VRK2: variants seen among roughly 807,000 people sequenced by gnomAD.
The protein encoded by VRK2 is VRK serine/threonine kinase 2, also known as serine/threonine-protein kinase VRK2.
VRK2 carries 60 observed loss-of-function variants against 57.6 expected under a neutral mutation model. The ratio of observed to expected loss-of-function variants is 1.04; its 90% CI spans 0.85 to 1.29. The LOEUF is 1.29. VRK2 is among the 50% of genes most tolerant of loss of function. The pLI is 0.00. For missense variants in VRK2, 705 were observed against 588.1 expected (o/e 1.20, Z -2.06); for synonymous variants, 231 against 199.2 (o/e 1.16, Z -1.35).
intron 1 of VRK2, among the ~76,000 whole-genome samples, chr2:57,987,107 A>G (rs1192176105): frequency 6.6e-6 from 1 of 152,218 alleles, no homozygotes; most frequent in African/African-American, 2.4e-5. Flanking sequence ...GAAAACATCC[A>G]TAGGAAAAAA....
At position 58,008,015 on chromosome 2, in the gene VRK2, T is replaced by C. The variant is rs1219222079; in HGVS notation, c.-438-17650T>C. Among the ~76,000 whole-genome samples, 6 of 152,222 alleles carry C rather than the reference T, an allele frequency of 3.9e-5. No homozygotes were observed. The East Asian group carries it at 1.2e-3, about 29-fold the overall frequency. ...AACAGAAGAAGAAAAAATAAGAATG[T>C]AGTGTTTTGAACATAAAAACCACAA... is the stretch of plus-strand genomic sequence containing the variant. On this transcript the variant is annotated intron_variant, in intron 1 of 15. Transcript: ENST00000417641.
intron 2 of VRK2, among the ~76,000 whole-genome samples, chr2:58,051,420 G>C (rs1307380876): frequency 6.6e-6 from 1 of 152,154 alleles, no homozygotes; most frequent in Non-Finnish European, 1.5e-5. Flanking sequence ...CATAGAATCA[G>C]TTTAATTTCA....
intron 2 of VRK2, chr2:58,033,138 A>C (rs925854880): frequency 1.3e-5 from 2 of 152,116 alleles, no homozygotes; most frequent in African/African-American, 4.8e-5. Flanking sequence ...TTTTATGCAT[A>C]AGGATAACTT....
chr2:58,013,321 C>T (rs1041551180), intron 1 of VRK2, among the ~76,000 whole-genome samples: 1 of 152,144 alleles, frequency 6.6e-6, no homozygotes, highest in African/African-American at 2.4e-5. Context: ...CTGTTATTTA[C>T]ACATCTACTA....
intron 3 of VRK2, among the ~76,000 whole-genome samples, chr2:58,040,783 G>A (rs1177669281): frequency 6.6e-6 from 1 of 152,210 alleles, no homozygotes; most frequent in Admixed American, 6.5e-5. Context: ...CACAGTAGGA[G>A]AGACAAAGTG....
rs1674053845 is a variant in VRK2 at position 58,102,094 on chromosome 2, CTTTACTA to C, written c.543+12376_543+12382del. ...AGATCTACCCAATGTGTCAAAAGATCTTTACTATTTAATATAGCCATTATGATTATTT... is the reference window on the plus strand; with the variant it reads ...AGATCTACCCAATGTGTCAAAAGATCTTTAATATAGCCATTATGATTATTT... On this transcript the variant is annotated intron_variant, in intron 7 of 12. Transcript: ENST00000340157. Among the ~76,000 whole-genome samples, 11 of 151,526 alleles carry C rather than the reference CTTTACTA, an allele frequency of 7.3e-5. No individual in the cohort carries two copies. The South Asian group carries it at 2.3e-3, about 31-fold the overall frequency.
At chr2:57,971,642 T>C (rs1277562641) in intron 1 of VRK2, among the ~76,000 whole-genome samples, 3 of 151,892 alleles carry the variant, frequency 2.0e-5, no homozygotes, top group African/African-American at 4.8e-5. Flanking sequence ...AGGCTCACAA[T>C]TCCTGCTTAT....
intron 7 of VRK2, among the ~76,000 whole-genome samples, chr2:58,117,411 G>T (rs555686071): frequency 1.2e-4 from 19 of 152,116 alleles, no homozygotes; most frequent in African/African-American, 4.6e-4. Context: ...TTACAGGGTG[G>T]AGGAGCAGAG....
intron 7 of VRK2, among the ~76,000 whole-genome samples, chr2:58,110,850 T>C (rs1341496937): frequency 6.6e-6 from 1 of 152,094 alleles, no homozygotes; most frequent in African/African-American, 2.4e-5. Flanking sequence ...ATTGGGGAGC[T>C]CCAGAGCAAA....
intron 1 of VRK2, among the ~76,000 whole-genome samples, chr2:57,995,663 T>G (rs1376260681): frequency 6.6e-6 from 1 of 152,220 alleles, no homozygotes; most frequent in Non-Finnish European, 1.5e-5. Context: ...GCAGCAAAAG[T>G]GCTTTATGAG....
chr2:58,102,373 G>C (rs1314902371), intron 7 of VRK2, among the ~76,000 whole-genome samples: 1 of 150,530 alleles, frequency 6.6e-6, no homozygotes, highest in Non-Finnish European at 1.5e-5. Flanking sequence ...TGCTGGTAAA[G>C]ACACTTATAG....
intron 2 of VRK2, among the ~76,000 whole-genome samples, chr2:58,081,856 C>CCG (rs1553398156): frequency 7.0e-4 from 65 of 93,198 alleles, no homozygotes; most frequent in African/African-American, 2.9e-3. Context: ...TATACCATGT[C>CCG]CGTGTGTGTG....
chr2:57,988,318 A>T (rs917392183), intron 1 of VRK2, among the ~76,000 whole-genome samples: 43 of 152,186 alleles, frequency 2.8e-4, no homozygotes, highest in African/African-American at 9.9e-4. Flanking sequence ...TTTTATCTTC[A>T]GCAATGAGTC....
At chr2:57,945,634 T>C (rs1671239624) in intron 1 of VRK2, among the ~76,000 whole-genome samples, 1 of 150,306 alleles carries the variant, frequency 6.7e-6, no homozygotes, top group Admixed American at 6.7e-5. Context: ...TTTTTAACTT[T>C]CTGCTCAAAA....
chr2:58,089,844 T>A (rs1672123851), intron 7 of VRK2, 121 bp downstream of exon 7: 1 of 656,768 alleles, frequency 1.5e-6, no homozygotes, highest in South Asian at 1.9e-5. Context: ...AATGTTGTAA[T>A]TTATCTTACC....
At chr2:58,073,245 A>G (rs1425830263) in intron 2 of VRK2, among the ~76,000 whole-genome samples, 1 of 152,038 alleles carries the variant, frequency 6.6e-6, no homozygotes, top group Non-Finnish European at 1.5e-5. Context: ...GTCTTAGTGA[A>G]TATACTATGT....
At chr2:58,155,496 T>A (rs1683665505) in intron 12 of VRK2, among the ~76,000 whole-genome samples, 1 of 149,778 alleles carries the variant, frequency 6.7e-6, no homozygotes, top group South Asian at 2.1e-4. Context: ...GGTAGTCTCC[T>A]GGTGGGAAGG....
At chr2:58,043,210 T>A (rs1198482401), upstream of VRK2, among the ~76,000 whole-genome samples, 1 of 152,168 alleles carries the variant, frequency 6.6e-6, no homozygotes, top group Admixed American at 6.5e-5. Flanking sequence ...TAACACTTCA[T>A]GGATGAATAT....
intron 2 of VRK2, among the ~76,000 whole-genome samples, chr2:58,081,616 AC>A (rs1333788296): frequency 6.6e-6 from 1 of 151,872 alleles, no homozygotes; most frequent in Non-Finnish European, 1.5e-5. Flanking sequence ...TATTTAACAA[AC>A]TGTAAGGTTA....
Sources: allele counts gnomAD v4.1 joint callset (sites outside exome capture counted in the v4.1 genomes callset), GRCh38; gene constraint gnomAD v4.1.1; transcripts MANE v1.5; gene names NCBI Gene and HGNC (gene_info 2026-07-23, HGNC 2026-07-21).